Variants in CELF4 observed in about 807,000 individuals in gnomAD.
CELF4 encodes the protein CUGBP Elav-like family member 4.
Under a neutral mutation model 59.9 loss-of-function variants are expected in CELF4, and 18 were observed. The observed-to-expected ratio is 0.30, with a 90% CI of 0.21 to 0.45. The LOEUF (loss-of-function observed/expected upper bound fraction) is 0.45, where lower values mean the gene tolerates loss of function less well. CELF4 is among the 20% of genes least tolerant of loss of function. The pLI is 1.00. For synonymous variants in CELF4, 261 were observed against 267.1 expected (o/e 0.98, Z 0.22); for missense variants, 456 against 689.0 (o/e 0.66, Z 3.79).
chr18:37,307,499 C>T (rs1367153026), intron 3 of CELF4, among the ~76,000 whole-genome samples: 2 of 152,160 alleles, frequency 1.3e-5, no homozygotes, highest in Non-Finnish European at 2.9e-5. Flanking sequence ...CCCCCACCAC[C>T]ACAGCGGCCC....
intron 1 of CELF4, among the ~76,000 whole-genome samples, chr18:37,541,758 G>A (rs1230279274): frequency 6.6e-6 from 1 of 151,732 alleles, no homozygotes; most frequent in African/African-American, 2.4e-5. Context: ...TGCACCTGCT[G>A]TTCTCTCTGC....
chr18:37,311,837 C>G lies in CELF4; in HGVS notation c.448+9966G>C, dbSNP rs112612377. On this transcript the variant is annotated intron_variant, in intron 3 of 12. Coordinates refer to ENST00000420428, the MANE Select transcript of CELF4 (RefSeq NM_020180.4). ...TCAGAAGGAACAGGGATCGTCCGGG[C>G]GCGGTGGCTTATGCCTATAATCCCA... 2.9e-5 allele frequency among the ~76,000 whole-genome samples: 4 copies of G among 138,098 alleles called. No individual in the cohort carries two copies. In the South Asian group the frequency reaches 9.5e-4, roughly 33 times the overall value. The allele number at this position is 138,098 out of a possible 152,430, so 90.6% of individuals were successfully genotyped here.
intron 2 of CELF4, 136 bp downstream of exon 2, chr18:37,485,389 C>T: frequency 4.7e-6 from 1 of 211,522 alleles, no homozygotes; most frequent in Non-Finnish European, 7.4e-6. Context: ...TTTGGGGGGG[C>T]GCGCGGGCTC....
At position 37,396,993 on chromosome 18, in the gene CELF4, T is replaced by C. The variant is rs916015722; in HGVS notation, c.370-75112A>G. ...AGGCTTGTGTCTGGATGTCTTCATT[T>C]TGGCCAAGCTATTGGTGTGCCTGCC... On this transcript the variant is annotated intron_variant, in intron 2 of 12. Coordinates refer to ENST00000420428, the MANE Select transcript of CELF4 (RefSeq NM_020180.4). Among the ~76,000 whole-genome samples the C allele has an allele frequency of 5.9e-5, 9 of 152,332 alleles. No homozygotes were observed. In the East Asian group the frequency reaches 1.7e-3, roughly 29 times the overall value.
At chr18:37,547,470 G>A (rs902116735) in intron 1 of CELF4, among the ~76,000 whole-genome samples, 2 of 152,118 alleles carry the variant, frequency 1.3e-5, no homozygotes, top group Non-Finnish European at 2.9e-5. Context: ...CTACATGAGA[G>A]CTGTCTATAG....
At chr18:37,387,568 A>C (rs887814790) in intron 2 of CELF4, among the ~76,000 whole-genome samples, 1 of 152,104 alleles carries the variant, frequency 6.6e-6, no homozygotes, top group African/African-American at 2.4e-5. Flanking sequence ...TGCTTCTTCC[A>C]ACTCCTTTGG....
At chr18:37,479,190 C>T (rs1470124564) in intron 2 of CELF4, among the ~76,000 whole-genome samples, 2 of 152,216 alleles carry the variant, frequency 1.3e-5, no homozygotes, top group African/African-American at 4.8e-5. Flanking sequence ...CCCCACCTAC[C>T]CGGTGCTCAC....
At chr18:37,390,057 G>T (rs2099141714) in intron 2 of CELF4, among the ~76,000 whole-genome samples, 1 of 152,228 alleles carries the variant, frequency 6.6e-6, no homozygotes, top group African/African-American at 2.4e-5. Flanking sequence ...AGGCACAGCA[G>T]CTCTCTGCCA....
At chr18:37,328,477 A>T (rs1225481491) in intron 2 of CELF4, among the ~76,000 whole-genome samples, 1 of 152,176 alleles carries the variant, frequency 6.6e-6, no homozygotes, top group Non-Finnish European at 1.5e-5. Flanking sequence ...GCCTGAAGAT[A>T]CCTGGCTCCC....
chr18:37,353,070 A>C (rs1035928801), intron 2 of CELF4, among the ~76,000 whole-genome samples: 2 of 151,642 alleles, frequency 1.3e-5, no homozygotes, highest in African/African-American at 4.8e-5. Context: ...AAATACAAAA[A>C]ATTAGCCGGG....
chr18:37,263,383 C>T (rs2075876297), intron 10 of CELF4, among the ~76,000 whole-genome samples: 1 of 152,112 alleles, frequency 6.6e-6, no homozygotes, highest in South Asian at 2.1e-4. Flanking sequence ...GACTAACCTA[C>T]ATCGGAGGGC....
intron 2 of CELF4, among the ~76,000 whole-genome samples, chr18:37,386,399 G>A (rs981002660): frequency 7.2e-5 from 11 of 152,332 alleles, no homozygotes; most frequent in Admixed American, 7.2e-4. Flanking sequence ...AGGATACCTT[G>A]CGGTCGTGGG....
chr18:37,414,325 T>C (rs1181255500), intron 2 of CELF4, among the ~76,000 whole-genome samples: 2 of 151,744 alleles, frequency 1.3e-5, no homozygotes, highest in African/African-American at 4.8e-5. Context: ...TACCCATTCA[T>C]TCTTTCATCC....
At chr18:37,532,712 AGCC>A (rs2099970528) in intron 1 of CELF4, among the ~76,000 whole-genome samples, 1 of 152,238 alleles carries the variant, frequency 6.6e-6, no homozygotes. Flanking sequence ...TAGAAGTAAC[AGCC>A]CCGTATTCAA....
At position 37,253,414 on chromosome 18, in the gene CELF4, C is replaced by T. The variant is rs991144784; in HGVS notation, c.*44+353G>A. Among the ~76,000 whole-genome samples, 6 of 152,142 alleles carry T rather than the reference C, an allele frequency of 3.9e-5. No individual in the cohort carries two copies. The highest frequency in any genetic ancestry group is 1.4e-4 in the African/African-American group (6 of 41,440). ...CTCTTCTGGGTAGAGCCTGTTCTGC[C>T]CCCAACCTCCCTCAGCCTGAGCTTG... On this transcript the variant is annotated intron_variant, in intron 12 of 12. Transcript: ENST00000420428. This position sits in a 1 kb window ranked among gnomAD's most constrained non-coding sequence, Gnocchi z 4.5.
chr18:37,505,865 A>G (rs2099937254), intron 1 of CELF4, among the ~76,000 whole-genome samples: 1 of 152,194 alleles, frequency 6.6e-6, no homozygotes, highest in African/African-American at 2.4e-5. Flanking sequence ...TTGTGATGCC[A>G]TTAAGCAGAA....
intron 2 of CELF4, among the ~76,000 whole-genome samples, chr18:37,404,213 T>A (rs1238978819): frequency 6.6e-6 from 1 of 152,162 alleles, no homozygotes; most frequent in African/African-American, 2.4e-5. Flanking sequence ...GCACGTGACC[T>A]CGAGCACATC....
chr18:37,496,704 C>T (rs762299935), intron 1 of CELF4, among the ~76,000 whole-genome samples: 1 of 152,208 alleles, frequency 6.6e-6, no homozygotes, highest in Non-Finnish European at 1.5e-5. Context: ...TGGTAGGCCA[C>T]AGTCCAGCTG....
rs997393267 is a variant in CELF4, at chr18:37,243,474, G to A, written c.*1768C>T. On this transcript the variant is annotated 3_prime_UTR_variant, in exon 13 of 13. Coordinates refer to ENST00000420428, the MANE Select transcript of CELF4 (RefSeq NM_020180.4). ...AAATATGTTATACTTTAAAATATAT[G>A]TGTTCTTAAATAATTCAGTGTTTTT... The A allele has an allele frequency of 4.6e-5, 7 of 152,126 alleles. No homozygotes were observed. The highest frequency in any genetic ancestry group is 1.3e-4 in the Admixed American group (2 of 15,278). The allele number at this position is 152,126 out of a possible 1,614,324, so 9.4% of individuals were successfully genotyped here.
Sources: gnomAD v4.1 joint callset for allele counts (sites outside exome capture counted in the v4.1 genomes callset) on GRCh38, gnomAD v4.1.1 for gene constraint, Gnocchi (gnomAD v3.1) non-coding constraint, MANE v1.5 for transcripts, NCBI Gene and HGNC (gene_info 2026-07-23, HGNC 2026-07-21) for gene names.